LOXHD1: variants seen among roughly 807,000 people sequenced by gnomAD.
The protein encoded by LOXHD1 is lipoxygenase homology PLAT domains 1.
In LOXHD1, 205 loss-of-function variants were observed where a neutral mutation model predicts 248.2. The observed-to-expected ratio is 0.83, with a 90% CI of 0.74 to 0.93. The LOEUF (loss-of-function observed/expected upper bound fraction) is 0.93, where lower values mean the gene tolerates loss of function less well. Among genes scored for constraint, LOXHD1 ranks in the 40% least tolerant of loss-of-function variants. The pLI is 0.00. For missense variants in LOXHD1, 2,930 were observed against 2,971.6 expected, an observed-to-expected ratio of 0.99 and a Z score of 0.33; for synonymous variants, 1,113 against 1,162.8, an observed-to-expected ratio of 0.96 and a Z score of 0.87.
At chr18:46,646,461 G>T (rs984162708) in intron 2 of LOXHD1, among the ~76,000 whole-genome samples, 1 of 152,104 alleles carries the variant, frequency 6.6e-6, no homozygotes, top group African/African-American at 2.4e-5. Flanking sequence ...CTCAGTTCTT[G>T]TCACAGCCAG....
At chr18:46,543,098 A>C (rs574937444) in intron 23 of LOXHD1, among the ~76,000 whole-genome samples, 1 of 152,250 alleles carries the variant, frequency 6.6e-6, no homozygotes, top group Admixed American at 6.5e-5. Context: ...GTGAATTCTG[A>C]GATTCTGGTG....
intron 21 of LOXHD1, among the ~76,000 whole-genome samples, chr18:46,551,049 C>G (rs2037077604): frequency 6.6e-6 from 1 of 152,012 alleles, no homozygotes; most frequent in Non-Finnish European, 1.5e-5. Flanking sequence ...GTAAACCTTT[C>G]TCATCCCCTT....
rs867634959 is a variant in LOXHD1, at chr18:46,610,937, A to T, written c.611-13T>A. ...AGCCTACGCTCCCCTGTATGCACAG[A>T]CATACAAAAGAAATTACAAAAAGAC... On this transcript the variant is annotated splice_polypyrimidine_tract_variant and intron_variant, in intron 5 of 40. Transcript: ENST00000642948. 2 of 1,550,530 alleles carry T rather than the reference A, an allele frequency of 1.3e-6. No individual in the cohort carries two copies. The highest frequency in any genetic ancestry group is 2.4e-5 in the East Asian group (1 of 40,918).
intron 31 of LOXHD1, among the ~76,000 whole-genome samples, 197 bp downstream of exon 31, chr18:46,524,269 G>C (rs1828080352): frequency 6.6e-6 from 1 of 152,174 alleles, no homozygotes; most frequent in Non-Finnish European, 1.5e-5. Flanking sequence ...ATCTGCAAAG[G>C]GGGCTTAGCC....
At chr18:46,549,634 T>C (rs1159976564) in intron 21 of LOXHD1, among the ~76,000 whole-genome samples, 3 of 152,160 alleles carry the variant, frequency 2.0e-5, no homozygotes, top group Non-Finnish European at 4.4e-5. Flanking sequence ...ACCTCTAGGA[T>C]CCCTGGAGGA....
At chr18:46,491,186 C>T (rs1161796206) in intron 37 of LOXHD1, among the ~76,000 whole-genome samples, 1 of 152,218 alleles carries the variant, frequency 6.6e-6, no homozygotes, top group Non-Finnish European at 1.5e-5. Context: ...AGAAGACACA[C>T]ACACAAACAG....
intron 4 of LOXHD1, among the ~76,000 whole-genome samples, chr18:46,624,961 G>A (rs2144343371): frequency 6.6e-6 from 1 of 151,994 alleles, no homozygotes; most frequent in South Asian, 2.1e-4. Context: ...ATTGCAATGG[G>A]CCATTCACTT....
At position 46,569,482 on chromosome 18, in the gene LOXHD1, C is replaced by T. The variant is rs1393552738; in HGVS notation, c.2204G>A (p.Arg735Gln). Residue 735 changes from arginine (R) to glutamine (Q), a missense_variant, in exon 16 of 41, where the codon CGG becomes CAG. By Grantham distance (43) the Arg-to-Gln change is conservative. Transcript: ENST00000642948. ...NNLKDYFERG[R>Q]VDEFTLETLN... is the part of the protein sequence containing the mutation. Reference sequence around the variant, plus strand: ...GGTCTCGAGGGTGAACTCATCCACCCGGCCACGTTCAAAGTAGTCTTTGAG... The same window carrying T: ...GGTCTCGAGGGTGAACTCATCCACCTGGCCACGTTCAAAGTAGTCTTTGAG... 25 of 1,551,962 alleles carry T rather than the reference C, an allele frequency of 1.6e-5. No homozygotes were observed. The highest frequency in any genetic ancestry group is 6.8e-5 in the African/African-American group (5 of 73,000).
intron 8 of LOXHD1, among the ~76,000 whole-genome samples, chr18:46,597,818 G>A (rs1048334860): frequency 6.6e-6 from 1 of 151,232 alleles, no homozygotes; most frequent in Admixed American, 6.6e-5. Flanking sequence ...GCGCAGTGGC[G>A]CAATCTCAGC....
Position 46,604,111 on chromosome 18 carries a change from G to A in LOXHD1, c.878C>T (p.Thr293Ile). 6.4e-7 allele frequency: 1 copy of A among 1,551,702 alleles called. No individual in the cohort carries two copies. The change falls in exon 7 of 41, where the codon ACC becomes ATC. Residue 293 changes from threonine to isoleucine, a missense_variant. Thr to Ile is a moderately conservative substitution (Grantham distance 89). Transcript: ENST00000642948. ...QRDILVGGAE[T>I]TAITYIVTVF... is the part of the protein sequence containing the mutation. Reference sequence around the variant, plus strand: ...TCCCCTTTCTTCAAATCTACCTGTGGTCTCAGCTCCGCCCACTAAGATATC... The same window carrying A: ...TCCCCTTTCTTCAAATCTACCTGTGATCTCAGCTCCGCCCACTAAGATATC...
At chr18:46,499,621 G>A (rs77619363) in intron 37 of LOXHD1, among the ~76,000 whole-genome samples, 9,562 of 152,244 alleles carry the variant, frequency 0.063, 403 homozygotes, top group Non-Finnish European at 0.089. Context: ...AGCAGAGAGA[G>A]TGAGGCTAGG....
chr18:46,519,752 TTC>T (rs1238428018), intron 33 of LOXHD1, among the ~76,000 whole-genome samples: 1 of 152,206 alleles, frequency 6.6e-6, no homozygotes, highest in African/African-American at 2.4e-5. Flanking sequence ...GCATCCATCT[TTC>T]TCTCCTTTAC....
intron 35 of LOXHD1, 120 bp from the exon 36 acceptor site, chr18:46,507,832 G>T: frequency 1.9e-6 from 2 of 1,073,932 alleles, no homozygotes; most frequent in Non-Finnish European, 2.6e-6. Context: ...TGAGACAAGC[G>T]CTTGCGACTG....
chr18:46,600,994 T>C (rs530952419), intron 8 of LOXHD1, among the ~76,000 whole-genome samples: 1 of 152,196 alleles, frequency 6.6e-6, no homozygotes, highest in African/African-American at 2.4e-5. Context: ...GGGTAACCTG[T>C]CCTGCTTGGC....
intron 27 of LOXHD1, chr18:46,533,908 AAAAAT>A: frequency 5.9e-6 from 1 of 170,306 alleles, no homozygotes; most frequent in Admixed American, 5.8e-5. Context: ...TCCATCTCAA[AAAAAT>A]AAAATAAAAT....
intron 37 of LOXHD1, among the ~76,000 whole-genome samples, chr18:46,491,907 GC>G (rs938846919): frequency 6.6e-6 from 1 of 152,142 alleles, no homozygotes; most frequent in African/African-American, 2.4e-5. Flanking sequence ...TCCCACTGTG[GC>G]CCCCTTTCCC....
chr18:46,563,065 C>A lies in LOXHD1; in HGVS notation c.2598G>T (p.Gln866His), dbSNP rs1412742069. Residue 866 changes from glutamine to histidine, a missense_variant and splice_region_variant, in exon 18 of 41, where the codon CAG becomes CAT. Physicochemically the swap from Gln to His is conservative, Grantham distance 24 (BLOSUM62 0). Transcript: ENST00000642948. ...ACCCCCGCTCCTCGACCCCACATAC[C>A]TGGAATGTGTCCTTGGACGCCCGTT... The part of the protein sequence containing the change: ...VFERASKDTF[Q>H]LEAADVGEVY... The A allele has an allele frequency of 6.5e-7, 1 of 1,540,374 alleles. No individual in the cohort carries two copies.
chr18:46,478,197 C>T (rs1304742425), intron 40 of LOXHD1, among the ~76,000 whole-genome samples: 8 of 152,156 alleles, frequency 5.3e-5, no homozygotes, highest in African/African-American at 1.9e-4. Flanking sequence ...GCCCCTCATA[C>T]TCCATGTCCA....
intron 4 of LOXHD1, among the ~76,000 whole-genome samples, chr18:46,628,865 A>C (rs1389557341): frequency 6.6e-6 from 1 of 152,214 alleles, no homozygotes; most frequent in East Asian, 1.9e-4. Flanking sequence ...CAAATGAGAA[A>C]ATAGAGGCAC....
Sources: gnomAD v4.1 joint callset for allele counts (sites outside exome capture counted in the v4.1 genomes callset) on GRCh38, gnomAD v4.1.1 for gene constraint, MANE v1.5 for transcripts, NCBI Gene and HGNC (gene_info 2026-07-23, HGNC 2026-07-21) for gene names.